Variants in ALK observed in about 807,000 individuals in gnomAD.
The protein encoded by ALK is ALK tyrosine kinase receptor.
ALK carries 74 observed loss-of-function variants against 163.1 expected under a neutral mutation model. The observed-to-expected ratio is 0.45, with a 90% CI of 0.38 to 0.55. The LOEUF is 0.55. Among genes scored for constraint, ALK ranks in the 20% least tolerant of loss-of-function variants. The pLI, the probability that ALK is intolerant of heterozygous loss-of-function variation, is 0.00. For missense variants in ALK, 2,063 were observed against 2,105.3 expected (o/e 0.98, Z 0.39); for synonymous variants, 960 against 843.2 (o/e 1.14, Z -2.40).
At chr2:29,521,096 C>T (rs1339051159) in intron 4 of ALK, among the ~76,000 whole-genome samples, 1 of 152,216 alleles carries the variant, frequency 6.6e-6, no homozygotes, top group Non-Finnish European at 1.5e-5. Context: ...AAGCCTGGAT[C>T]ACACAGTGGG....
intron 1 of ALK, among the ~76,000 whole-genome samples, chr2:29,893,994 T>G (rs1667208782): frequency 6.6e-6 from 1 of 152,150 alleles, no homozygotes; most frequent in Non-Finnish European, 1.5e-5. Flanking sequence ...CACATGACAG[T>G]CACCCAATAT....
In ALK at chr2:29,716,259, A is replaced by T. The variant is rs1005784381; in HGVS notation, c.787+1319T>A. Among the ~76,000 whole-genome samples the T allele has an allele frequency of 2.0e-5, 3 of 152,222 alleles. No homozygotes were observed. In the East Asian group the frequency reaches 5.8e-4, roughly 29 times the overall value. On this transcript the variant is annotated intron_variant, in intron 2 of 28. Transcript: ENST00000389048. ...TTCTGGAGGACTTTTGCATTCATTC[A>T]TCATAAATATGAGGCTGGTGCAAAA...
At chr2:29,733,104 A>T (rs1258708115) in intron 1 of ALK, among the ~76,000 whole-genome samples, 1 of 152,094 alleles carries the variant, frequency 6.6e-6, no homozygotes, top group African/African-American at 2.4e-5. Flanking sequence ...GCAAATAGAA[A>T]ACATGACACC....
chr2:29,840,936 G>A (rs905632711), intron 1 of ALK, among the ~76,000 whole-genome samples: 1 of 152,042 alleles, frequency 6.6e-6, no homozygotes, highest in African/African-American at 2.4e-5. Context: ...TTTTAGATAC[G>A]GCTACTGTTA....
chr2:29,703,609 T>C (rs1678812315), intron 2 of ALK, among the ~76,000 whole-genome samples: 2 of 152,210 alleles, frequency 1.3e-5, no homozygotes, highest in African/African-American at 4.8e-5. Flanking sequence ...TGCATAACCA[T>C]GCCTTTTGTG....
At chr2:29,237,461 C>G (rs1664414770) in intron 13 of ALK, among the ~76,000 whole-genome samples, 1 of 152,196 alleles carries the variant, frequency 6.6e-6, no homozygotes, top group Non-Finnish European at 1.5e-5. Context: ...TCCCTCTCCT[C>G]CAGCCCGAGT....
chr2:29,328,556 C>T (rs1291429503), intron 5 of ALK, 75 bp from the exon 6 acceptor site: 2 of 1,598,290 alleles, frequency 1.3e-6, no homozygotes, highest in Non-Finnish European at 1.7e-6. Context: ...TGGGTTGGTC[C>T]CATGGGCAGG....
At chr2:29,607,573 C>G (rs1020888241) in intron 3 of ALK, among the ~76,000 whole-genome samples, 2 of 152,164 alleles carry the variant, frequency 1.3e-5, no homozygotes, top group Admixed American at 6.5e-5. Flanking sequence ...ATAGCTAAAA[C>G]CAATAGTCAA....
chr2:29,228,296 G>T (rs1558626945), intron 16 of ALK, among the ~76,000 whole-genome samples: 2 of 152,254 alleles, frequency 1.3e-5, no homozygotes. Context: ...TCTGTGGGGA[G>T]CGGGGAGCCA....
chr2:29,648,318 C>A (rs555336230), intron 3 of ALK, among the ~76,000 whole-genome samples: 7 of 152,234 alleles, frequency 4.6e-5, no homozygotes, highest in African/African-American at 1.4e-4. Context: ...CATACACTTT[C>A]TTTTTTTAAA....
At chr2:29,605,231 G>A (rs1054122781) in intron 3 of ALK, among the ~76,000 whole-genome samples, 1 of 152,180 alleles carries the variant, frequency 6.6e-6, no homozygotes, top group Non-Finnish European at 1.5e-5. Flanking sequence ...TAGGGTTCAC[G>A]CTTCTATGAG....
chr2:29,321,186 G>A (rs1667032323), intron 6 of ALK, among the ~76,000 whole-genome samples: 1 of 152,198 alleles, frequency 6.6e-6, no homozygotes, highest in South Asian at 2.1e-4. Flanking sequence ...GAAATGTGAA[G>A]CAACTTGACC....
intron 1 of ALK, among the ~76,000 whole-genome samples, chr2:29,784,255 G>A (rs542402537): frequency 6.5e-4 from 99 of 152,350 alleles, no homozygotes; most frequent in Middle Eastern, 3.4e-3. Context: ...AGGAACTTTA[G>A]TGCTAATAAA....
chr2:29,486,510 G>A (rs1671779535), intron 4 of ALK, among the ~76,000 whole-genome samples: 1 of 152,198 alleles, frequency 6.6e-6, no homozygotes, highest in Non-Finnish European at 1.5e-5. Flanking sequence ...TAACTTCAGT[G>A]TTGCACATAA....
At chr2:29,677,782 G>A (rs989880410) in intron 3 of ALK, among the ~76,000 whole-genome samples, 123 of 152,090 alleles carry the variant, frequency 8.1e-4, no homozygotes, top group African/African-American at 2.8e-3. Context: ...TAGGATCAGG[G>A]GAATAGTGAG....
chr2:29,705,897 T>C (rs1011934591), intron 2 of ALK, among the ~76,000 whole-genome samples: 4 of 152,174 alleles, frequency 2.6e-5, no homozygotes, highest in Non-Finnish European at 2.9e-5. Context: ...AGAGGGAGTA[T>C]ATCCAGCACA....
At position 29,745,817 on chromosome 2, in the gene ALK, T is replaced by C. The variant is rs190453667; in HGVS notation, c.668-28120A>G. Among the ~76,000 whole-genome samples, 14 of 152,208 alleles carry C rather than the reference T, an allele frequency of 9.2e-5. No individual in the cohort carries two copies. In the East Asian group the frequency reaches 2.7e-3, roughly 29 times the overall value. On this transcript the variant is annotated intron_variant, in intron 1 of 28. Transcript: ENST00000389048. Reference sequence around the variant, plus strand: ...ACCATAGTGCCTGGCAGAGAGTAGGTGCTAAATAAATATTTGTTGGATGGA... The same window carrying C: ...ACCATAGTGCCTGGCAGAGAGTAGGCGCTAAATAAATATTTGTTGGATGGA...
intron 23 of ALK, among the ~76,000 whole-genome samples, chr2:29,216,719 G>C (rs1669619452): frequency 6.7e-6 from 1 of 149,160 alleles, no homozygotes; most frequent in Admixed American, 6.6e-5. Flanking sequence ...GGATGTCTGT[G>C]GTGTGTATAT....
chr2:29,258,489 G>A (rs914799052), intron 11 of ALK, among the ~76,000 whole-genome samples: 2 of 152,206 alleles, frequency 1.3e-5, no homozygotes, highest in African/African-American at 4.8e-5. Context: ...GGGTTACTGA[G>A]TAATATGGTT....
Sources: allele counts gnomAD v4.1 joint callset (sites outside exome capture counted in the v4.1 genomes callset), GRCh38; gene constraint gnomAD v4.1.1; transcripts MANE v1.5; gene names NCBI Gene and HGNC (gene_info 2026-07-23, HGNC 2026-07-21).